The following ARHGAP24 variants were observed in gnomAD, a reference collection of about 807,000 sequenced individuals.
The protein encoded by ARHGAP24 is Rho GTPase activating protein 24, also known as rho GTPase-activating protein 24.
Under a neutral mutation model 76.4 loss-of-function variants are expected in ARHGAP24, and 50 were observed. The ratio of observed to expected loss-of-function variants is 0.65; its 90% confidence interval spans 0.52 to 0.83. ARHGAP24 has a LOEUF of 0.83. Ranked by LOEUF, ARHGAP24 falls within the 40% of genes least tolerant of loss-of-function variation. The pLI is 0.00. For missense variants in ARHGAP24, 930 were observed against 914.2 expected (o/e 1.02, Z -0.22); for synonymous variants, 345 against 323.3 (o/e 1.07, Z -0.72).
chr4:85,867,810 A>G (rs577616497), intron 3 of ARHGAP24, among the ~76,000 whole-genome samples: 38 of 148,876 alleles, frequency 2.6e-4, no homozygotes, highest in African/African-American at 8.5e-4. Context: ...ATAATTATAT[A>G]TATAAAACTA....
chr4:85,734,190 C>T (rs1009707397), intron 3 of ARHGAP24, among the ~76,000 whole-genome samples: 1 of 152,046 alleles, frequency 6.6e-6, no homozygotes, highest in Non-Finnish European at 1.5e-5. Flanking sequence ...TGAGGGCTGC[C>T]CAGGGGAAGA....
chr4:85,751,854 T>C (rs1726277267), intron 3 of ARHGAP24, among the ~76,000 whole-genome samples: 1 of 152,206 alleles, frequency 6.6e-6, no homozygotes, highest in Admixed American at 6.5e-5. Context: ...AGGTAAATCA[T>C]TTAACCTCTC....
chr4:85,798,716 A>T (rs933392389), intron 3 of ARHGAP24, among the ~76,000 whole-genome samples: 1 of 152,220 alleles, frequency 6.6e-6, no homozygotes, highest in Non-Finnish European at 1.5e-5. Flanking sequence ...CTTCTAAATG[A>T]GGGTAAAATT....
At chr4:85,958,713 T>A (rs948270077) in intron 5 of ARHGAP24, among the ~76,000 whole-genome samples, 4 of 152,214 alleles carry the variant, frequency 2.6e-5, no homozygotes, top group South Asian at 4.1e-4. Context: ...AAGGGTACAA[T>A]CCTAGTGATT....
chr4:85,968,295 A>G (rs1418517921), intron 5 of ARHGAP24, among the ~76,000 whole-genome samples: 1 of 152,120 alleles, frequency 6.6e-6, no homozygotes, highest in East Asian at 1.9e-4. Flanking sequence ...TGATGTTTGC[A>G]GATGTGTTGT....
At chr4:85,665,377 C>G (rs1417127757) in intron 2 of ARHGAP24, among the ~76,000 whole-genome samples, 3 of 152,056 alleles carry the variant, frequency 2.0e-5, no homozygotes, top group African/African-American at 7.2e-5. Flanking sequence ...GTAGATCTTC[C>G]TCCATCCTTT....
intron 3 of ARHGAP24, among the ~76,000 whole-genome samples, chr4:85,876,640 T>A (rs1282466304): frequency 6.6e-6 from 1 of 152,192 alleles, no homozygotes; most frequent in Non-Finnish European, 1.5e-5. Context: ...ATATTAGATA[T>A]CTTTCTTATC....
intron 2 of ARHGAP24, among the ~76,000 whole-genome samples, chr4:85,717,950 G>C (rs1020373232): frequency 6.6e-6 from 1 of 152,006 alleles, no homozygotes; most frequent in African/African-American, 2.4e-5. Flanking sequence ...TATTACTTTC[G>C]AGTTAGATTG....
At chr4:85,926,306 A>C (rs1276919845) in intron 4 of ARHGAP24, among the ~76,000 whole-genome samples, 1 of 152,238 alleles carries the variant, frequency 6.6e-6, no homozygotes, top group Non-Finnish European at 1.5e-5. Flanking sequence ...TATAGCACTC[A>C]TAATAGAAAC....
intron 2 of ARHGAP24, among the ~76,000 whole-genome samples, chr4:85,580,787 A>G (rs1329439600): frequency 1.3e-5 from 2 of 152,176 alleles, no homozygotes; most frequent in African/African-American, 4.8e-5. Context: ...GGGAGGACAG[A>G]TAGTGGTTCT....
intron 3 of ARHGAP24, among the ~76,000 whole-genome samples, chr4:85,854,575 A>G (rs1241511975): frequency 6.6e-6 from 1 of 152,230 alleles, no homozygotes; most frequent in Non-Finnish European, 1.5e-5. Context: ...AAGTTCCAAA[A>G]TTTTATAAAC....
intron 2 of ARHGAP24, among the ~76,000 whole-genome samples, chr4:85,664,980 CA>C (rs1722554907): frequency 6.6e-6 from 1 of 152,096 alleles, no homozygotes; most frequent in South Asian, 2.1e-4. Flanking sequence ...TGAAAAAAAA[CA>C]TATATTCTAT....
intron 1 of ARHGAP24, among the ~76,000 whole-genome samples, chr4:85,569,863 A>G (rs1727009390): frequency 1.3e-5 from 2 of 152,174 alleles, no homozygotes; most frequent in South Asian, 4.1e-4. Context: ...TGAAATGGGG[A>G]CACACGTCAG....
chr4:85,712,365 G>C (rs193047227), intron 2 of ARHGAP24, among the ~76,000 whole-genome samples: 1 of 152,206 alleles, frequency 6.6e-6, no homozygotes, highest in East Asian at 1.9e-4. Context: ...GAGTGTTTAG[G>C]GTGGACTCAT....
At chr4:85,773,045 A>G (rs943840867) in intron 3 of ARHGAP24, among the ~76,000 whole-genome samples, 1 of 152,196 alleles carries the variant, frequency 6.6e-6, no homozygotes, top group Non-Finnish European at 1.5e-5. Context: ...CTTTTACATA[A>G]TCAATTCTTA....
At chr4:85,510,374 A>T (rs566079183) in intron 1 of ARHGAP24, among the ~76,000 whole-genome samples, 1 of 151,970 alleles carries the variant, frequency 6.6e-6, no homozygotes, top group Non-Finnish European at 1.5e-5. Flanking sequence ...ACCTTCACAC[A>T]TATTCAGCAT....
chr4:85,658,309 G>A (rs1376770000), intron 2 of ARHGAP24, among the ~76,000 whole-genome samples: 2 of 151,912 alleles, frequency 1.3e-5, no homozygotes, highest in South Asian at 2.1e-4. Context: ...AATATGTAGC[G>A]GATCATTTTT....
chr4:85,966,510 G>A (rs1738618107), intron 5 of ARHGAP24, among the ~76,000 whole-genome samples: 1 of 152,136 alleles, frequency 6.6e-6, no homozygotes, highest in South Asian at 2.1e-4. Flanking sequence ...TAGTTTCACT[G>A]CTGAAAAGTG....
intron 2 of ARHGAP24, among the ~76,000 whole-genome samples, chr4:85,703,761 C>T (rs1724192257): frequency 6.6e-6 from 1 of 152,044 alleles, no homozygotes; most frequent in African/African-American, 2.4e-5. Flanking sequence ...GTTATAGCAG[C>T]CCAAACAGAC....
Sources: allele counts gnomAD v4.1 joint callset (sites outside exome capture counted in the v4.1 genomes callset), GRCh38; gene constraint gnomAD v4.1.1; transcripts MANE v1.5; gene names NCBI Gene and HGNC (gene_info 2026-07-23, HGNC 2026-07-21).